PPP2R5E: variants seen among roughly 807,000 people sequenced by gnomAD.
PPP2R5E encodes the protein serine/threonine-protein phosphatase 2A 56 kDa regulatory subunit epsilon isoform.
A neutral mutation model predicts 65.3 loss-of-function variants in PPP2R5E; 4 were observed. The observed-to-expected ratio is 0.06, with a 90% CI of 0.03 to 0.14. The LOEUF (loss-of-function observed/expected upper bound fraction) is 0.14. Among genes scored for constraint, PPP2R5E ranks in the 10% least tolerant of loss-of-function variants. The pLI is 1.00. For synonymous variants in PPP2R5E, 183 were observed against 187.4 expected (o/e 0.98, Z 0.19); for missense variants, 274 against 556.1 (o/e 0.49, Z 5.10).
At position 63,495,417 on chromosome 14, in the gene PPP2R5E, CAA is replaced by C. The variant is rs772700927; in HGVS notation, c.158-41534_158-41533del. On this transcript the variant is annotated intron_variant, in intron 2 of 13. Coordinates refer to ENST00000337537, the MANE Select transcript of PPP2R5E (RefSeq NM_006246.5). ...CAAAACCCCATCTCTACTAAAAATA[CAA>C]AAAAAAAAAAAAAAATTAGCTGGGC... is the stretch of plus-strand genomic sequence containing the variant. Among the ~76,000 whole-genome samples the C allele has an allele frequency of 8.8e-4, 82 of 93,216 alleles. 1 individual carries two copies. The highest frequency in any genetic ancestry group is 2.5e-3 in the African/African-American group (69 of 27,086). The allele number at this position is 93,216 out of a possible 152,430, so 61.2% of individuals were successfully genotyped here.
At chr14:63,428,770 T>C (rs1288370831) in intron 3 of PPP2R5E, among the ~76,000 whole-genome samples, 1 of 152,238 alleles carries the variant, frequency 6.6e-6, no homozygotes, top group African/African-American at 2.4e-5. Flanking sequence ...AGTTTTTTAT[T>C]AAACTTACTA....
At position 63,374,869 on chromosome 14, in the gene PPP2R5E, T is replaced by G. The variant is rs1403245311; in HGVS notation, c.*1140A>C. On this transcript the variant is annotated 3_prime_UTR_variant, in exon 14 of 14. Coordinates refer to ENST00000337537, the MANE Select transcript of PPP2R5E (RefSeq NM_006246.5). ...TTAGGAATATGCATCCAATTCAGAA[T>G]GCATAATAATGTTTATCCTGAATCC... 1.5e-4 allele frequency: 23 copies of G among 152,310 alleles called. No homozygotes were observed. The highest frequency in any genetic ancestry group is 1.5e-3 in the Admixed American group (23 of 15,248). 9.4% of individuals were successfully genotyped at this position (152,310 alleles called of 1,614,324 possible).
At chr14:63,530,546 T>C (rs1191397879) in intron 2 of PPP2R5E, among the ~76,000 whole-genome samples, 2 of 151,252 alleles carry the variant, frequency 1.3e-5, no homozygotes, top group Non-Finnish European at 2.9e-5. Context: ...ATTAAGCAAT[T>C]AGTTCTTAAT....
chr14:63,455,102 C>T (rs893955329), intron 2 of PPP2R5E, among the ~76,000 whole-genome samples: 2 of 152,162 alleles, frequency 1.3e-5, no homozygotes, highest in African/African-American at 4.8e-5. Context: ...TTACAATGGC[C>T]TCCTGGCTTG....
chr14:63,501,228 T>C (rs537702504), intron 2 of PPP2R5E, among the ~76,000 whole-genome samples: 2 of 151,842 alleles, frequency 1.3e-5, no homozygotes, highest in East Asian at 1.9e-4. Flanking sequence ...TGAAACTCCA[T>C]CTCTACTAAA....
rs143575675 is a variant in PPP2R5E at position 63,410,355 on chromosome 14, C to T, written c.549+4785G>A. Among the ~76,000 whole-genome samples, 522 of 152,108 alleles carry T rather than the reference C, an allele frequency of 3.4e-3. 5 individuals carry two copies. Among genetic ancestry groups the T allele is most frequent in the Non-Finnish European group, 3.8e-3 (258 of 68,010 alleles). Reference sequence around the variant, plus strand: ...TAGGAACAGGTGGCACCATGGGAGACGATGGAGTTCAGAAAAATGCAAGGA... The same window carrying T: ...TAGGAACAGGTGGCACCATGGGAGATGATGGAGTTCAGAAAAATGCAAGGA... On this transcript the variant is annotated intron_variant, in intron 5 of 13. Coordinates refer to ENST00000337537, the MANE Select transcript of PPP2R5E (RefSeq NM_006246.5).
chr14:63,376,680 C>T (rs1287161931), intron 13 of PPP2R5E, among the ~76,000 whole-genome samples: 2 of 152,082 alleles, frequency 1.3e-5, no homozygotes, highest in Non-Finnish European at 2.9e-5. Flanking sequence ...AAATTAGAAT[C>T]GACAAACTTT....
chr14:63,379,514 C>T (rs1335375821), intron 13 of PPP2R5E, among the ~76,000 whole-genome samples: 1 of 152,216 alleles, frequency 6.6e-6, no homozygotes, highest in Non-Finnish European at 1.5e-5. Flanking sequence ...TCAGGTGATC[C>T]GCCTGCCTTG....
chr14:63,440,646 C>T (rs1888178608), intron 3 of PPP2R5E, among the ~76,000 whole-genome samples: 1 of 151,850 alleles, frequency 6.6e-6, no homozygotes, highest in Admixed American at 6.6e-5. Context: ...CATCTAAGAG[C>T]ATGGGTTCTG....
At chr14:63,518,230 C>A (rs577513873) in intron 2 of PPP2R5E, among the ~76,000 whole-genome samples, 1 of 152,162 alleles carries the variant, frequency 6.6e-6, no homozygotes, top group South Asian at 2.1e-4. Flanking sequence ...CATAAGCCAA[C>A]ATTCCTGGCC....
At chr14:63,516,366 T>C (rs192992123) in intron 2 of PPP2R5E, among the ~76,000 whole-genome samples, 8 of 152,332 alleles carry the variant, frequency 5.3e-5, no homozygotes, top group African/African-American at 9.6e-5. Context: ...ATAGGTTTCA[T>C]TGCTAATCAA....
intron 11 of PPP2R5E, among the ~76,000 whole-genome samples, chr14:63,385,557 G>A (rs548151254): frequency 6.6e-6 from 1 of 152,240 alleles, no homozygotes; most frequent in Admixed American, 6.5e-5. Context: ...TTCAGTCACA[G>A]CTACTGAGGA....
At chr14:63,457,749 C>T (rs1889205766) in intron 2 of PPP2R5E, among the ~76,000 whole-genome samples, 3 of 152,174 alleles carry the variant, frequency 2.0e-5, no homozygotes, top group Non-Finnish European at 4.4e-5. Flanking sequence ...GGCACAATGA[C>T]TCCTCCATCC....
chr14:63,473,481 A>G (rs1890233428), intron 2 of PPP2R5E, among the ~76,000 whole-genome samples: 1 of 152,224 alleles, frequency 6.6e-6, no homozygotes, highest in African/African-American at 2.4e-5. Flanking sequence ...AACCAAGATG[A>G]TGAAGTGCCC....
intron 2 of PPP2R5E, among the ~76,000 whole-genome samples, chr14:63,513,913 C>CCA (rs1892559981): frequency 6.6e-6 from 1 of 152,218 alleles, no homozygotes; most frequent in African/African-American, 2.4e-5. Context: ...GCTCACTCTT[C>CCA]CACTTGCACA....
Position 63,428,912 on chromosome 14 carries a change from G to A in PPP2R5E, c.355-6818C>T, listed in dbSNP as rs1369110527. Among the ~76,000 whole-genome samples the A allele has an allele frequency of 3.9e-5, 6 of 152,022 alleles. No homozygotes were observed. The South Asian group carries it at 1.2e-3, about 32-fold the overall frequency. ...TAATTTTACACTATGATTTTGATTG[G>A]CATTTTGTTGTTAAGGAAAATATTA... On this transcript the variant is annotated intron_variant, in intron 3 of 13. Transcript: ENST00000337537.
intron 4 of PPP2R5E, among the ~76,000 whole-genome samples, chr14:63,418,841 C>CT (rs772740856): frequency 0.12 from 12,582 of 105,158 alleles, 1,059 homozygotes; most frequent in African/African-American, 0.18. Context: ...AATTTTTTTA[C>CT]TTTTTTTTTT....
At chr14:63,412,494 T>C (rs889999443) in intron 5 of PPP2R5E, among the ~76,000 whole-genome samples, 3 of 152,158 alleles carry the variant, frequency 2.0e-5, no homozygotes, top group Non-Finnish European at 4.4e-5. Context: ...TGTTCAAATA[T>C]AGATGTCATA....
Position 63,376,006 on chromosome 14 carries a change from T to C in PPP2R5E, c.*3A>G. ...GTTAGTAATGTTGTTGTCATTGTTT[T>C]TGTTAAGTTGGAATTATTCCATCAC... On this transcript the variant is annotated 3_prime_UTR_variant, in exon 14 of 14. Transcript: ENST00000337537. 1.9e-6 allele frequency: 3 copies of C among 1,568,468 alleles called. No homozygotes were observed. Among genetic ancestry groups the C allele is most frequent in the Non-Finnish European group, 2.6e-6 (3 of 1,139,598 alleles).
Sources: allele counts gnomAD v4.1 joint callset (sites outside exome capture counted in the v4.1 genomes callset), GRCh38; gene constraint gnomAD v4.1.1; transcripts MANE v1.5; gene names NCBI Gene and HGNC (gene_info 2026-07-23, HGNC 2026-07-21).